Variants in CHRNB4 observed in about 807,000 individuals in gnomAD.
CHRNB4 encodes the protein neuronal acetylcholine receptor subunit beta-4.
A neutral mutation model predicts 40.4 loss-of-function variants in CHRNB4; 23 were observed. The observed-to-expected ratio is 0.57, with a 90% confidence interval of 0.41 to 0.81. The LOEUF (loss-of-function observed/expected upper bound fraction) is 0.81, where lower values mean the gene tolerates loss of function less well. CHRNB4 is among the 30% of genes least tolerant of loss of function. CHRNB4 has a pLI of 0.00. For missense variants in CHRNB4, 568 were observed against 670.6 expected, an observed-to-expected ratio of 0.85 and a Z score of 1.69; for synonymous variants, 285 against 274.4, an observed-to-expected ratio of 1.04 and a Z score of -0.38.
At chr15:78,657,176 C>A (rs1038501210) in intron 3 of CHRNB4, among the ~76,000 whole-genome samples, 1 of 152,064 alleles carries the variant, frequency 6.6e-6, no homozygotes, top group Non-Finnish European at 1.5e-5. Context: ...AGGCACATGC[C>A]CCCACGACTG....
intron 6 of CHRNB4, among the ~76,000 whole-genome samples, chr15:78,650,936 T>G (rs1847698078): frequency 6.6e-6 from 1 of 152,138 alleles, no homozygotes; most frequent in Admixed American, 6.5e-5. Flanking sequence ...TAGTCGGGCT[T>G]TGTGAGATTT....
upstream of CHRNB4, among the ~76,000 whole-genome samples, chr15:78,643,275 A>G (rs1283530651): frequency 1.3e-5 from 2 of 151,578 alleles, no homozygotes; most frequent in Non-Finnish European, 2.9e-5. Context: ...TTTTTGAGAC[A>G]GGGTTTCACT....
At chr15:78,630,051 C>G in intron 4 of CHRNB4, 106 bp from the exon 5 acceptor site, 1 of 1,258,834 alleles carries the variant, frequency 7.9e-7, no homozygotes, top group Non-Finnish European at 1.1e-6. Flanking sequence ...CCACTAATCA[C>G]CCTTCCAATC....
Position 78,625,072 on chromosome 15 carries a change from A to G in CHRNB4, c.*61T>C, listed in dbSNP as rs2141355406. 2 of 1,611,916 alleles carry G rather than the reference A, an allele frequency of 1.2e-6. No individual in the cohort carries two copies. The highest frequency in any genetic ancestry group is 1.7e-6 in the Non-Finnish European group (2 of 1,179,788). On this transcript the variant is annotated 3_prime_UTR_variant, in exon 6 of 6. Transcript: ENST00000261751. The stretch of plus-strand genomic sequence containing the variant: ...GGGCCTCATCAGCCACAACCCAGAA[A>G]GAAGCAGCAAAGTGCCCACCCGGCC...
At chr15:78,649,201 T>A (rs2054151486) in intron 7 of CHRNB4, among the ~76,000 whole-genome samples, 3 of 151,946 alleles carry the variant, frequency 2.0e-5, no homozygotes, top group South Asian at 4.2e-4. Flanking sequence ...AAATTGATAA[T>A]GTATTGTAAA....
chr15:78,654,714 T>TA (rs983606844), intron 5 of CHRNB4, among the ~76,000 whole-genome samples: 1 of 152,150 alleles, frequency 6.6e-6, no homozygotes, highest in African/African-American at 2.4e-5. Flanking sequence ...AGAGCTTTTT[T>TA]AAAAAAACTT....
At chr15:78,646,164 G>A (rs1424425261), upstream of CHRNB4, among the ~76,000 whole-genome samples, 1 of 152,100 alleles carries the variant, frequency 6.6e-6, no homozygotes, top group East Asian at 1.9e-4. Flanking sequence ...AAATGTTGAG[G>A]GGGATGTACA....
chr15:78,661,360 C>A, upstream of CHRNB4: 3 of 544,496 alleles, frequency 5.5e-6, no homozygotes, highest in Middle Eastern at 6.2e-4. Flanking sequence ...CCATTATGGT[C>A]CCCAAGACCA....
chr15:78,660,612 G>A (rs1022534438), upstream of CHRNB4: 1 of 159,866 alleles, frequency 6.3e-6, no homozygotes, highest in Non-Finnish European at 1.4e-5. Context: ...GTCCCTGTAA[G>A]GGTCAGTGCG....
At chr15:78,644,403 G>T (rs1180797067), upstream of CHRNB4, among the ~76,000 whole-genome samples, 5 of 151,552 alleles carry the variant, frequency 3.3e-5, no homozygotes, top group Non-Finnish European at 7.4e-5. Context: ...TGTGTGGGGG[G>T]TTTATCTGTT....
At chr15:78,641,282 G>C (rs2054070553), upstream of CHRNB4, 3 of 644,552 alleles carry the variant, frequency 4.7e-6, no homozygotes, top group Admixed American at 4.2e-5. Flanking sequence ...GAGCCCCGCC[G>C]AGCCCCGCCC....
chr15:78,640,847 G>A (rs565949414), intron 1 of CHRNB4, among the ~76,000 whole-genome samples: 4 of 152,282 alleles, frequency 2.6e-5, no homozygotes, highest in East Asian at 3.9e-4. Flanking sequence ...CCCTGGCAGC[G>A]GCTCCGAGAA....
At chr15:78,661,425 C>CA, upstream of CHRNB4, 1 of 519,416 alleles carries the variant, frequency 1.9e-6, no homozygotes, top group Non-Finnish European at 3.7e-6. Flanking sequence ...ATCTGAGCAA[C>CA]AGAGTGACCG....
chr15:78,631,802 CA>C (rs1314521806), intron 2 of CHRNB4, among the ~76,000 whole-genome samples: 22 of 152,150 alleles, frequency 1.4e-4, no homozygotes, highest in Admixed American at 1.2e-3. Flanking sequence ...GATCCCTTTA[CA>C]ATCTCAATCC....
Position 78,631,159 on chromosome 15 carries a change from C to G in CHRNB4, c.276G>C (p.Trp92Cys). 1 of 1,614,202 alleles carries G rather than the reference C, an allele frequency of 6.2e-7. No individual in the cohort carries two copies. The highest frequency in any genetic ancestry group is 1.1e-5 in the South Asian group (1 of 91,080). Residue 92 changes from tryptophan (W) to cysteine (C), a missense_variant, in exon 4 of 6, where the codon TGG (tryptophan) becomes TGC (cysteine). Around this residue, in one of 4 missense-constraint regions of CHRNB4, gnomAD observed 161 missense variants for 148.1 expected, o/e 1.09. Transcript: ENST00000261751. ...KQEWTDYRLT[W>C]NSSRYEGVNI... ...TCACACCCTCGTAGCGGGAGCTGTT[C>G]CAGGTCAGGCGGTAATCAGTCCATT...
chr15:78,636,341 C>T (rs2053949861), intron 1 of CHRNB4, among the ~76,000 whole-genome samples: 1 of 152,082 alleles, frequency 6.6e-6, no homozygotes, highest in Non-Finnish European at 1.5e-5. Flanking sequence ...TATCCATGTA[C>T]CATACAGTGC....
chr15:78,656,716 A>G (rs2054217039), intron 3 of CHRNB4: 1 of 152,194 alleles, frequency 6.6e-6, no homozygotes, highest in Non-Finnish European at 1.5e-5. Flanking sequence ...AATGACTAAT[A>G]AGACTCCAGA....
chr15:78,659,384 C>T (rs749236098), intron 1 of CHRNB4, among the ~76,000 whole-genome samples: 3 of 151,918 alleles, frequency 2.0e-5, no homozygotes, highest in Non-Finnish European at 4.4e-5. Flanking sequence ...GCTGAGGTCA[C>T]GCCACTGCAC....
chr15:78,629,858 G>C lies in CHRNB4; in HGVS notation c.447C>G (p.Tyr149Ter). 4 of 1,613,926 alleles carry C rather than the reference G, an allele frequency of 2.5e-6. No individual in the cohort carries two copies. The highest frequency in any genetic ancestry group is 3.4e-6 in the Non-Finnish European group (4 of 1,180,020). Residue 149 changes from tyrosine (Y) to a stop codon, truncating the protein, a stop_gained, in exon 5 of 6, where the codon TAC (tyrosine) becomes TAG (stop). Coordinates refer to ENST00000261751, the MANE Select transcript of CHRNB4 (RefSeq NM_000750.5). LOFTEE classifies it high-confidence loss of function. The surrounding 1 kb of genome is among the most constrained non-coding windows in gnomAD (Gnocchi z 6.8). Reference protein sequence around the residue: ...GSVLWLPPAIYKSACKIEVKY... With the variant: ...GSVLWLPPAI ...TCACCTCAATCTTGCAGGCGCTCTT[G>C]TAGATGGCAGGGGGCAGCCACAGGA...
Sources: allele counts gnomAD v4.1 joint callset (sites outside exome capture counted in the v4.1 genomes callset), GRCh38; gene constraint gnomAD v4.1.1; regional missense constraint gnomAD v4.1.1; non-coding constraint Gnocchi (gnomAD v3.1); transcripts MANE v1.5; gene names NCBI Gene and HGNC (gene_info 2026-07-23, HGNC 2026-07-21).